Variants in CDIN1 observed in about 807,000 individuals in gnomAD.
CDIN1 encodes CDAN1 interacting nuclease 1.
Under a neutral mutation model 45.3 loss-of-function variants are expected in CDIN1, and 33 were observed. The ratio of observed to expected loss-of-function variants is 0.73; its 90% CI spans 0.55 to 0.97. The LOEUF (loss-of-function observed/expected upper bound fraction) is 0.97. CDIN1 is among the 50% of genes least tolerant of loss of function. The pLI, the probability that CDIN1 is intolerant of heterozygous loss-of-function variation, is 0.00. For synonymous variants in CDIN1, 118 were observed against 124.4 expected (o/e 0.95, Z 0.34); for missense variants, 303 against 339.4 (o/e 0.89, Z 0.84).
intron 10 of CDIN1, among the ~76,000 whole-genome samples, chr15:36,747,392 T>A (rs1256391310): frequency 6.6e-6 from 1 of 152,206 alleles, no homozygotes; most frequent in Non-Finnish European, 1.5e-5. Flanking sequence ...GAGTTTTCAT[T>A]TATTCCATGC....
At chr15:36,598,467 G>A (rs1014724995) in intron 1 of CDIN1, among the ~76,000 whole-genome samples, 1 of 151,132 alleles carries the variant, frequency 6.6e-6, no homozygotes, top group African/African-American at 2.4e-5. Flanking sequence ...ATGCATTCAT[G>A]TTTTTTTTTG....
chr15:36,638,785 G>A (rs1017573310), intron 1 of CDIN1, among the ~76,000 whole-genome samples: 1 of 152,136 alleles, frequency 6.6e-6, no homozygotes, highest in Admixed American at 6.6e-5. Context: ...CAATTTTCTA[G>A]CAAAAAAGCC....
At chr15:36,701,279 A>T (rs534465926) in intron 8 of CDIN1, among the ~76,000 whole-genome samples, 1 of 152,276 alleles carries the variant, frequency 6.6e-6, no homozygotes, top group Admixed American at 6.5e-5. Flanking sequence ...AAGCATTGTG[A>T]TCATCCCATT....
chr15:36,807,833 G>A (rs2055280103), intron 10 of CDIN1, among the ~76,000 whole-genome samples: 1 of 152,204 alleles, frequency 6.6e-6, no homozygotes, highest in Non-Finnish European at 1.5e-5. Context: ...AAGTAGAACA[G>A]TATAGCCAGA....
chr15:36,648,594 G>T (rs1330666514), intron 3 of CDIN1: 3 of 151,832 alleles, frequency 2.0e-5, no homozygotes, highest in Non-Finnish European at 4.4e-5. Flanking sequence ...ACCACACTCG[G>T]CTAATTTTTT....
intron 10 of CDIN1, among the ~76,000 whole-genome samples, chr15:36,800,502 CAT>C (rs1442415715): frequency 6.6e-6 from 1 of 152,112 alleles, no homozygotes; most frequent in Admixed American, 6.6e-5. Context: ...TGCATATAAA[CAT>C]GTGCAAGCAT....
chr15:36,641,453 T>A (rs180727666), intron 1 of CDIN1: 5 of 152,360 alleles, frequency 3.3e-5, no homozygotes, highest in Admixed American at 2.6e-4. Context: ...ATTCTTTGGG[T>A]CCACTCACAT....
At chr15:36,650,282 G>A (rs1334602679) in intron 3 of CDIN1, among the ~76,000 whole-genome samples, 2 of 152,174 alleles carry the variant, frequency 1.3e-5, no homozygotes, top group East Asian at 3.9e-4. Flanking sequence ...AAATAAAATG[G>A]CGTTAGTACA....
intron 10 of CDIN1, among the ~76,000 whole-genome samples, chr15:36,739,169 G>A (rs757808046): frequency 1.3e-5 from 2 of 152,198 alleles, no homozygotes; most frequent in Admixed American, 6.5e-5. Context: ...AAGGTGGGAA[G>A]CTGAATTGCA....
At chr15:36,681,901 C>T (rs1490898467) in intron 5 of CDIN1, among the ~76,000 whole-genome samples, 1 of 152,092 alleles carries the variant, frequency 6.6e-6, no homozygotes, top group East Asian at 1.9e-4. Context: ...AAATGAAATG[C>T]TTCAGTAACA....
chr15:36,691,756 G>T lies in CDIN1; in HGVS notation c.418G>T (p.Val140Phe), dbSNP rs1203962241. The T allele has an allele frequency of 6.9e-6, 11 of 1,593,482 alleles. No individual in the cohort carries two copies. Among genetic ancestry groups the T allele is most frequent in the South Asian group, 1.1e-5 (1 of 88,136 alleles). The change falls in exon 6 of 11, where the codon GTC becomes TTC. Residue 140 changes from valine (V) to phenylalanine (F), a missense_variant. Val to Phe is a conservative substitution (Grantham distance 50). Transcript: ENST00000566621. The part of the protein sequence containing the change: ...QIPDGVLANQ[V>F]YQCIVNDCCY... ...TCCAGATGGAGTTCTAGCAAATCAGGTCTATCAGGTATTAATCACAGCTGT... is the reference window on the plus strand; with the variant it reads ...TCCAGATGGAGTTCTAGCAAATCAGTTCTATCAGGTATTAATCACAGCTGT...
chr15:36,776,290 C>G (rs1260799731), intron 10 of CDIN1, among the ~76,000 whole-genome samples: 4 of 152,144 alleles, frequency 2.6e-5, no homozygotes, highest in Admixed American at 2.6e-4. Flanking sequence ...AGAGAATATT[C>G]AGGGAACATA....
intron 1 of CDIN1, chr15:36,614,344 T>C (rs1475122409): frequency 1.9e-6 from 1 of 539,916 alleles, no homozygotes; most frequent in Admixed American, 2.0e-5. Context: ...TTCTCCCCTG[T>C]GGCTTTTTTG....
intron 10 of CDIN1, chr15:36,804,695 C>G: frequency 2.1e-4 from 1 of 4,842 alleles, no homozygotes; most frequent in Non-Finnish European, 4.8e-4. Context: ...TTTTTTTTTT[C>G]AGAGTCTTGC....
rs143621225 is a variant in CDIN1 at position 36,735,697 on chromosome 15, T to G, written c.716+25736T>G. ...TGGTAGACTGTAAGATAAGTGAAGA[T>G]TCTATATTATGCTTTTATCATATCA... On this transcript the variant is annotated intron_variant, in intron 10 of 10. Transcript: ENST00000566621. Among the ~76,000 whole-genome samples the G allele has an allele frequency of 1.4e-3, 205 of 145,162 alleles. 1 individual carries two copies. Among genetic ancestry groups the G allele is most frequent in the African/African-American group, 5.0e-3 (199 of 39,674 alleles).
chr15:36,583,581 G>A (rs371967968), intron 1 of CDIN1, among the ~76,000 whole-genome samples: 4 of 152,130 alleles, frequency 2.6e-5, no homozygotes, highest in African/African-American at 9.7e-5. Flanking sequence ...ATCATTTAAT[G>A]TCTTCGGTAG....
intron 10 of CDIN1, among the ~76,000 whole-genome samples, chr15:36,788,955 C>T (rs1350883563): frequency 3.9e-5 from 6 of 152,162 alleles, no homozygotes; most frequent in Non-Finnish European, 8.8e-5. Context: ...ATAACAGACT[C>T]GCATTTTCTA....
intron 10 of CDIN1, among the ~76,000 whole-genome samples, chr15:36,751,229 T>TTTTTATATATATATATATATA: frequency 1.0e-5 from 1 of 97,574 alleles, no homozygotes; most frequent in Middle Eastern, 5.4e-3. Context: ...TATGCTTATT[T>TTTTTATATATATATATATATA]TATATATATA....
intron 10 of CDIN1, among the ~76,000 whole-genome samples, chr15:36,729,147 T>C (rs1311101257): frequency 6.6e-6 from 1 of 152,156 alleles, no homozygotes; most frequent in Non-Finnish European, 1.5e-5. Flanking sequence ...ATGATAGACT[T>C]TTTTCTCTTT....
Sources: gnomAD v4.1 joint callset for allele counts (sites outside exome capture counted in the v4.1 genomes callset) on GRCh38, gnomAD v4.1.1 for gene constraint, MANE v1.5 for transcripts, NCBI Gene and HGNC (gene_info 2026-07-23, HGNC 2026-07-21) for gene names.